The following PUDP variants were observed in gnomAD, a reference collection of about 807,000 sequenced individuals.
PUDP encodes the protein pseudouridine-5'-phosphatase.
A neutral mutation model predicts 9.4 loss-of-function variants in PUDP; 8 were observed. The ratio of observed to expected loss-of-function variants is 0.85; its 90% CI spans 0.50 to 1.53. The LOEUF (loss-of-function observed/expected upper bound fraction) is 1.53, where lower values mean the gene tolerates loss of function less well. Among genes scored for constraint, PUDP ranks in the 40% most tolerant of loss-of-function variants. PUDP has a pLI of 0.00. For missense variants in PUDP, 188 were observed against 189.7 expected (o/e 0.99, Z 0.05); for synonymous variants, 99 against 80.7 (o/e 1.23, Z -1.22).
chrX:7,141,679 T>C (rs1486102453), intron 1 of PUDP, among the ~76,000 whole-genome samples: 3 of 112,274 alleles, frequency 2.7e-5, no homozygotes, highest in East Asian at 2.8e-4. Context: ...CAGCCTTCTA[T>C]TGGAAGAAAA....
At chrX:6,995,954 C>T (rs1242897370) in intron 1 of PUDP, among the ~76,000 whole-genome samples, 1 of 108,305 alleles carries the variant, frequency 9.2e-6, no homozygotes, top group Non-Finnish European at 1.9e-5. Context: ...ACTGTCTTTT[C>T]CATCTTTTGA....
chrX:6,756,677 G>T (rs2146672875), intron 3 of PUDP, among the ~76,000 whole-genome samples: 1 of 112,619 alleles, frequency 8.9e-6, no homozygotes, highest in South Asian at 3.7e-4. Flanking sequence ...GCAGTAGCTA[G>T]ATGAAGATAC....
At chrX:6,810,849 C>A (rs1926132049) in intron 3 of PUDP, among the ~76,000 whole-genome samples, 1 of 111,673 alleles carries the variant, frequency 9.0e-6, no homozygotes, top group South Asian at 3.8e-4. Flanking sequence ...TTGCTGTCCC[C>A]AACTCTGCCC....
chrX:6,789,173 C>T (rs2146688044), intron 3 of PUDP, among the ~76,000 whole-genome samples: 1 of 110,635 alleles, frequency 9.0e-6, no homozygotes, highest in Non-Finnish European at 1.9e-5. Context: ...ACCTGTAATC[C>T]CAGCTACTAG....
chrX:7,109,202 TTTC>T (rs1391656434), intron 1 of PUDP, among the ~76,000 whole-genome samples: 11 of 111,950 alleles, frequency 9.8e-5, no homozygotes, highest in South Asian at 7.5e-4. Flanking sequence ...CTCCTTTTAT[TTTC>T]TTCTTCTCTG....
In PUDP at chrX:6,853,824, C is replaced by T. The variant is rs182724510; in HGVS notation, c.*247+123309G>A. ...TGTTTCCCAGGCTGGAGTGCAATGG[C>T]GCAGTCTTGGCTCATTGCAACCTCC... On this transcript the variant is annotated intron_variant and NMD_transcript_variant, in intron 3 of 3. Coordinates refer to the PUDP transcript ENST00000655425. Among the ~76,000 whole-genome samples the T allele has an allele frequency of 6.1e-4, 68 of 111,138 alleles. 2 individuals carry two copies. Among genetic ancestry groups the T allele is most frequent in the East Asian group, 2.8e-3 (10 of 3,555 alleles).
At chrX:6,870,106 T>C (rs1433326531) in intron 3 of PUDP, among the ~76,000 whole-genome samples, 2 of 111,071 alleles carry the variant, frequency 1.8e-5, no homozygotes, top group East Asian at 5.7e-4. Context: ...TTCTGACACA[T>C]GTTACAACCT....
chrX:6,778,611 G>A (rs1486066151), intron 3 of PUDP, among the ~76,000 whole-genome samples: 1 of 112,535 alleles, frequency 8.9e-6, no homozygotes, highest in South Asian at 3.7e-4. Context: ...AGCAGAGAGT[G>A]AATAATCATT....
intron 3 of PUDP, among the ~76,000 whole-genome samples, chrX:6,933,882 G>C (rs1310882590): frequency 1.8e-5 from 2 of 111,052 alleles, no homozygotes; most frequent in African/African-American, 3.3e-5. Flanking sequence ...AAGGGTATCA[G>C]TGATGGAAGA....
chrX:6,928,055 C>T (rs1376974471), intron 3 of PUDP, among the ~76,000 whole-genome samples: 1 of 108,023 alleles, frequency 9.3e-6, no homozygotes, highest in Non-Finnish European at 1.9e-5. Flanking sequence ...CTGCCTCAGC[C>T]TCCCAAGTGG....
At chrX:6,813,131 AAGAAGG>A (rs1405325962) in intron 3 of PUDP, among the ~76,000 whole-genome samples, 1 of 109,758 alleles carries the variant, frequency 9.1e-6, no homozygotes, top group Non-Finnish European at 1.9e-5. Context: ...AGAAAAGAAG[AAGAAGG>A]AGAAGGAGAA....
At chrX:6,818,010 T>C (rs983943121) in intron 3 of PUDP, among the ~76,000 whole-genome samples, 1 of 112,049 alleles carries the variant, frequency 8.9e-6, no homozygotes, top group Non-Finnish European at 1.9e-5. Context: ...TGTGTGTCGC[T>C]ATTTCCACCC....
chrX:6,781,216 C>T (rs1161326143), intron 3 of PUDP, among the ~76,000 whole-genome samples: 1 of 111,507 alleles, frequency 9.0e-6, no homozygotes, highest in Non-Finnish European at 1.9e-5. Context: ...ACATATCACA[C>T]CATGGCATGA....
At chrX:6,884,591 T>C (rs1202199146) in intron 3 of PUDP, among the ~76,000 whole-genome samples, 2 of 111,502 alleles carry the variant, frequency 1.8e-5, no homozygotes, top group African/African-American at 6.5e-5. Flanking sequence ...TGGAGAATGT[T>C]ACAATGGACA....
intron 1 of PUDP, among the ~76,000 whole-genome samples, chrX:7,003,981 T>A (rs966885283): frequency 9.0e-6 from 1 of 111,201 alleles, no homozygotes; most frequent in African/African-American, 3.3e-5. Flanking sequence ...GCTCAAGCAG[T>A]CCTCTCACCT....
At chrX:6,941,241 C>T (rs1370985504) in intron 3 of PUDP, among the ~76,000 whole-genome samples, 1 of 110,822 alleles carries the variant, frequency 9.0e-6, no homozygotes, top group Non-Finnish European at 1.9e-5. Context: ...AAATTCCAAT[C>T]TCCTCACCCC....
At chrX:6,739,213 C>A (rs1924908223) in intron 3 of PUDP, among the ~76,000 whole-genome samples, 1 of 111,533 alleles carries the variant, frequency 9.0e-6, no homozygotes, top group Non-Finnish European at 1.9e-5. Flanking sequence ...GAAAATGGTT[C>A]ACGGAAGGGC....
intron 3 of PUDP, among the ~76,000 whole-genome samples, chrX:6,873,952 T>C (rs1173025310): frequency 9.0e-6 from 1 of 111,195 alleles, no homozygotes; most frequent in Non-Finnish European, 1.9e-5. Context: ...CAAAACCTCA[T>C]CTCTACAAAA....
At chrX:6,732,834 T>C (rs1274278414) in intron 3 of PUDP, among the ~76,000 whole-genome samples, 1 of 112,052 alleles carries the variant, frequency 8.9e-6, no homozygotes, top group Non-Finnish European at 1.9e-5. Context: ...ATGAAACCAG[T>C]CTAACCACTG....
Sources: allele counts gnomAD v4.1 joint callset (sites outside exome capture counted in the v4.1 genomes callset), GRCh38; gene constraint gnomAD v4.1.1; transcripts MANE v1.5; gene names NCBI Gene and HGNC (gene_info 2026-07-23, HGNC 2026-07-21).